The following TSPEAR variants were observed in gnomAD, a reference collection of about 807,000 sequenced individuals.
TSPEAR encodes thrombospondin type laminin G domain and EAR repeats, also known as thrombospondin-type laminin G domain and EAR repeat-containing protein.
TSPEAR carries 69 observed loss-of-function variants against 71.6 expected under a neutral mutation model. That is an observed-to-expected ratio of 0.96 (90% CI 0.79 to 1.18). The LOEUF is 1.18. TSPEAR is among the 50% of genes most tolerant of loss of function. The probability of loss-of-function intolerance (pLI) is 0.00; values close to 1 mark genes in which losing one functional copy is unlikely to be tolerated. For synonymous variants in TSPEAR, 402 were observed against 387.2 expected (o/e 1.04, Z -0.45); for missense variants, 971 against 894.9 (o/e 1.09, Z -1.09).
At chr21:44,669,200 G>A (rs1259530992) in intron 1 of TSPEAR, among the ~76,000 whole-genome samples, 1 of 152,170 alleles carries the variant, frequency 6.6e-6, no homozygotes, top group African/African-American at 2.4e-5. Flanking sequence ...CAAGGCGGCT[G>A]GATCATGAGG....
At position 44,539,872 on chromosome 21, in the gene TSPEAR, G is replaced by T. The variant is rs781920758; in HGVS notation, c.304-5949C>A. 2.6e-5 allele frequency: 41 copies of T among 1,581,404 alleles called. No individual in the cohort carries two copies. The Admixed American group carries it at 7.4e-4, about 29-fold the overall frequency. On this transcript the variant is annotated intron_variant, in intron 2 of 11. Transcript: ENST00000323084. ...GCACGCAGCAGGCCTGCTGGCAGGG[G>T]GAGGAGGTGCAGCAAGCCGGCTGGC...
At chr21:44,525,268 A>G (rs77505020) in intron 8 of TSPEAR, among the ~76,000 whole-genome samples, 6,263 of 152,214 alleles carry the variant, frequency 0.041, 446 homozygotes, top group African/African-American at 0.14. Context: ...GTAGTTAGTC[A>G]AGAAGTCAGG....
intron 9 of TSPEAR, chr21:44,516,615 C>G (rs587638544): frequency 6.6e-6 from 1 of 152,366 alleles, no homozygotes; most frequent in South Asian, 2.1e-4. Flanking sequence ...GGATCAGCTT[C>G]GTGTGGTCCT....
chr21:44,669,256 C>G (rs1555945426), intron 1 of TSPEAR, among the ~76,000 whole-genome samples: 1 of 152,098 alleles, frequency 6.6e-6, no homozygotes, highest in Non-Finnish European at 1.5e-5. Context: ...AACCCCGCCT[C>G]TACTAAAAAT....
intron 1 of TSPEAR, among the ~76,000 whole-genome samples, chr21:44,679,437 C>T (rs993750494): frequency 1.3e-5 from 2 of 152,156 alleles, no homozygotes. Flanking sequence ...GTTCATGGAT[C>T]AGAAGAAATG....
At chr21:44,531,359 C>T (rs587702885) in intron 3 of TSPEAR, among the ~76,000 whole-genome samples, 8 of 152,306 alleles carry the variant, frequency 5.3e-5, no homozygotes, top group East Asian at 1.9e-4. Flanking sequence ...GACGCTTCCT[C>T]GACTCATCAG....
At position 44,599,133 on chromosome 21, in the gene TSPEAR, T is replaced by TC. The variant is rs1555928019; in HGVS notation, c.83-31129_83-31128insG. 2.6e-3 allele frequency among the ~76,000 whole-genome samples: 295 copies of TC among 113,332 alleles called. 3 individuals are homozygous for TC. Among genetic ancestry groups the TC allele is most frequent in the African/African-American group, 0.011 (235 of 21,118 alleles). 74.4% of individuals were successfully genotyped at this position (113,332 alleles called of 152,430 possible). ...CCCATATGGAAGCAGAGGCCCCCAT[T>TC]TTCTCTCTCTCTCTCTCTCTCTCTC... On this transcript the variant is annotated intron_variant, in intron 1 of 11. Coordinates refer to ENST00000323084, the MANE Select transcript of TSPEAR (RefSeq NM_144991.3).
At chr21:44,588,871 A>G (rs958801642) in intron 1 of TSPEAR, among the ~76,000 whole-genome samples, 101 of 151,946 alleles carry the variant, frequency 6.6e-4, no homozygotes, top group African/African-American at 1.2e-3. Flanking sequence ...GAGATTGGAG[A>G]TTATTATTCT....
intron 2 of TSPEAR, among the ~76,000 whole-genome samples, chr21:44,559,903 G>C (rs1433356654): frequency 6.6e-6 from 1 of 152,156 alleles, no homozygotes; most frequent in African/African-American, 2.4e-5. Flanking sequence ...CTTGGTGGGG[G>C]CCCATAGGCT....
At position 44,580,341 on chromosome 21, in the gene TSPEAR, C is replaced by T. The variant is rs375541198; in HGVS notation, c.83-12336G>A. 149 of 1,612,498 alleles carry T rather than the reference C, an allele frequency of 9.2e-5. 1 individual carries two copies. The highest frequency in any genetic ancestry group is 2.2e-4 in the East Asian group (10 of 44,740). On this transcript the variant is annotated intron_variant, in intron 1 of 11. Transcript: ENST00000323084. ...CAGGCCTGCTGGCAGGGGGAGGAGG[C>T]GCAGCAAGCCGGCTGGCAGCACGAG...
Position 44,646,612 on chromosome 21 carries a change from T to C in TSPEAR, c.82+64821A>G, listed in dbSNP as rs782387758. On this transcript the variant is annotated intron_variant, in intron 1 of 11. Transcript: ENST00000323084. Reference sequence around the variant, plus strand: ...GAGCCTGGTCTGCACCCCAGTGAGCTGTGTGTCCAGCCCCTGCTGCCAGGC... The same window carrying C: ...GAGCCTGGTCTGCACCCCAGTGAGCCGTGTGTCCAGCCCCTGCTGCCAGGC... The C allele has an allele frequency of 1.9e-5, 31 of 1,612,848 alleles. No individual in the cohort carries two copies. The highest frequency in any genetic ancestry group is 2.3e-5 in the Non-Finnish European group (27 of 1,179,870).
At chr21:44,572,047 C>T (rs1211320281) in intron 1 of TSPEAR, among the ~76,000 whole-genome samples, 7 of 152,244 alleles carry the variant, frequency 4.6e-5, no homozygotes, top group Admixed American at 1.3e-4. Flanking sequence ...ACGGCGGCAC[C>T]GCGAGGGATG....
chr21:44,571,419 G>A (rs186749637), intron 1 of TSPEAR, among the ~76,000 whole-genome samples: 641 of 152,326 alleles, frequency 4.2e-3, no homozygotes, highest in Non-Finnish European at 6.6e-3. Context: ...TCTTAGTGGG[G>A]AAACCCCTCC....
chr21:44,598,111 A>G (rs1980489864), intron 1 of TSPEAR, among the ~76,000 whole-genome samples: 1 of 151,634 alleles, frequency 6.6e-6, no homozygotes, highest in Non-Finnish European at 1.5e-5. Flanking sequence ...TGACTTTACT[A>G]CATGCCCAGG....
At chr21:44,637,397 T>C in intron 1 of TSPEAR, 3 of 1,589,920 alleles carry the variant, frequency 1.9e-6, no homozygotes, top group Non-Finnish European at 2.6e-6. Flanking sequence ...CTCCCCCAGC[T>C]CACCGCCTCC....
intron 1 of TSPEAR, among the ~76,000 whole-genome samples, chr21:44,705,310 T>C (rs1034303100): frequency 6.6e-6 from 1 of 152,190 alleles, no homozygotes; most frequent in African/African-American, 2.4e-5. Flanking sequence ...GTAATAATTG[T>C]GTTAACTACA....
In TSPEAR at chr21:44,711,300, C is replaced by G. The variant is rs1234406042; in HGVS notation, c.82+133G>C. ...CTCTGCCCATCTCCACAGGGTGCTACCTGCCAGTCCTGCCAAAGCGTCCTC... is the reference window on the plus strand; with the variant it reads ...CTCTGCCCATCTCCACAGGGTGCTAGCTGCCAGTCCTGCCAAAGCGTCCTC... On this transcript the variant is annotated intron_variant, in intron 1 of 11. Coordinates refer to ENST00000323084, the MANE Select transcript of TSPEAR (RefSeq NM_144991.3). The surrounding 1 kb of genome is among the most constrained non-coding windows in gnomAD (Gnocchi z 4.5). 3.9e-6 allele frequency: 3 copies of G among 775,122 alleles called. No individual in the cohort carries two copies. In the East Asian group the frequency reaches 8.3e-5, roughly 21 times the overall value. The allele number at this position is 775,122 out of a possible 1,614,324, so 48.0% of individuals were successfully genotyped here.
chr21:44,570,014 C>T (rs113694695), intron 1 of TSPEAR, among the ~76,000 whole-genome samples: 54 of 152,270 alleles, frequency 3.5e-4, no homozygotes, highest in African/African-American at 1.3e-3. Flanking sequence ...TGCCCCTCCC[C>T]CCAGTCTCAG....
At chr21:44,515,100 T>C (rs1395206196) in intron 9 of TSPEAR, among the ~76,000 whole-genome samples, 4 of 152,148 alleles carry the variant, frequency 2.6e-5, no homozygotes, top group African/African-American at 7.2e-5. Context: ...GCATCTCGGC[T>C]TCACCCGCTT....
Sources: allele counts gnomAD v4.1 joint callset (sites outside exome capture counted in the v4.1 genomes callset), GRCh38; gene constraint gnomAD v4.1.1; non-coding constraint Gnocchi (gnomAD v3.1); transcripts MANE v1.5; gene names NCBI Gene and HGNC (gene_info 2026-07-23, HGNC 2026-07-21).